UNC13C: variants seen among roughly 807,000 people sequenced by gnomAD.
UNC13C encodes protein unc-13 homolog C.
Under a neutral mutation model 245.4 loss-of-function variants are expected in UNC13C, and 174 were observed. The ratio of observed to expected loss-of-function variants is 0.71; its 90% CI spans 0.63 to 0.80. UNC13C has a LOEUF of 0.80. UNC13C is among the 30% of genes least tolerant of loss of function. UNC13C has a pLI of 0.00. For synonymous variants in UNC13C, 992 were observed against 895.1 expected, an observed-to-expected ratio of 1.11 and a Z score of -1.93; for missense variants, 2,829 against 2,602.9, an observed-to-expected ratio of 1.09 and a Z score of -1.89.
chr15:54,107,233 C>T (rs75759286), intron 2 of UNC13C, among the ~76,000 whole-genome samples: 1 of 151,946 alleles, frequency 6.6e-6, no homozygotes, highest in African/African-American at 2.4e-5. Context: ...ATTTTTAATA[C>T]ACCAATAATT....
At chr15:54,097,388 A>T (rs1030732355) in intron 2 of UNC13C, among the ~76,000 whole-genome samples, 1 of 152,104 alleles carries the variant, frequency 6.6e-6, no homozygotes, top group South Asian at 2.1e-4. Context: ...AATCTCCCCA[A>T]TGTGTAAGAA....
rs979392095 is a variant in UNC13C at position 54,203,769 on chromosome 15, T to G, written c.3072-31261T>G. ...ATGTATATATACACATATATATGTA[T>G]ATATACACACACATATAGATATACA... On this transcript the variant is annotated intron_variant, in intron 4 of 32. Transcript: ENST00000260323. Among the ~76,000 whole-genome samples, 9 of 112,596 alleles carry G rather than the reference T, an allele frequency of 8.0e-5. No homozygotes were observed. The East Asian group carries it at 8.7e-4, about 11-fold the overall frequency. 73.9% of individuals were successfully genotyped at this position (112,596 alleles called of 152,430 possible). A position where few individuals can be genotyped will look rare whatever the true frequency, so the allele number is the denominator to read the frequency against.
chr15:54,308,406 T>C (rs963314872), intron 13 of UNC13C, among the ~76,000 whole-genome samples: 2 of 151,938 alleles, frequency 1.3e-5, no homozygotes, highest in Non-Finnish European at 2.9e-5. Flanking sequence ...TTTTATGTAT[T>C]TATTATATAC....
chr15:54,306,097 A>AAC (rs1217695641), intron 13 of UNC13C, among the ~76,000 whole-genome samples: 1 of 152,024 alleles, frequency 6.6e-6, no homozygotes. Flanking sequence ...AGAGTCTGAA[A>AAC]CTATTTTGCT....
chr15:54,464,637 AT>A (rs1356078174), intron 19 of UNC13C, among the ~76,000 whole-genome samples: 1 of 152,104 alleles, frequency 6.6e-6, no homozygotes, highest in East Asian at 1.9e-4. Flanking sequence ...TTTAAATCAA[AT>A]TTTTATTTGA....
the UNC13C span, among the ~76,000 whole-genome samples, chr15:53,902,463 A>C: frequency 6.6e-6 from 1 of 152,238 alleles, no homozygotes; most frequent in Non-Finnish European, 1.5e-5. Context: ...GCAGAACATA[A>C]GGACTTAACA....
chr15:54,168,608 A>G (rs929501863), intron 4 of UNC13C, among the ~76,000 whole-genome samples: 1 of 152,102 alleles, frequency 6.6e-6, no homozygotes, highest in Admixed American at 6.5e-5. Context: ...TTATTCTTGG[A>G]CAGCTCAGAT....
chr15:54,553,104 ATT>A (rs1252465822), intron 28 of UNC13C, among the ~76,000 whole-genome samples: 1 of 78,120 alleles, frequency 1.3e-5, no homozygotes, highest in Admixed American at 2.0e-4. Flanking sequence ...TATAATATAT[ATT>A]GTATTCTATA....
intron 30 of UNC13C, among the ~76,000 whole-genome samples, chr15:54,594,846 G>A (rs1319281772): frequency 6.6e-6 from 1 of 152,248 alleles, no homozygotes; most frequent in Non-Finnish European, 1.5e-5. Context: ...CCCGAGTCCA[G>A]AAGAGACAAA....
intron 2 of UNC13C, among the ~76,000 whole-genome samples, chr15:54,077,986 A>G (rs1038314400): frequency 6.6e-6 from 1 of 152,272 alleles, no homozygotes; most frequent in South Asian, 2.1e-4. Context: ...AGCCTCCCCT[A>G]CATTGGAGTC....
At chr15:54,113,690 G>T (rs2029999026) in intron 2 of UNC13C, among the ~76,000 whole-genome samples, 1 of 152,088 alleles carries the variant, frequency 6.6e-6, no homozygotes, top group Admixed American at 6.6e-5. Context: ...GCTGGGCGTG[G>T]TGGCACAAGC....
intron 19 of UNC13C, among the ~76,000 whole-genome samples, chr15:54,464,413 A>G (rs969507431): frequency 7.2e-5 from 11 of 152,104 alleles, no homozygotes; most frequent in Non-Finnish European, 1.6e-4. Context: ...TTATGTTGAT[A>G]TTTTAGTGAA....
At chr15:54,609,399 G>A (rs886688990) in intron 30 of UNC13C, 4 of 152,136 alleles carry the variant, frequency 2.6e-5, no homozygotes, top group African/African-American at 4.8e-5. Flanking sequence ...GCTGCTTGGC[G>A]GGGTGGATAA....
intron 19 of UNC13C, among the ~76,000 whole-genome samples, chr15:54,442,295 G>A (rs1890572754): frequency 1.4e-5 from 2 of 141,552 alleles, no homozygotes; most frequent in South Asian, 4.5e-4. Context: ...CTGTTGCCCA[G>A]GCTGGAGTGC....
At chr15:53,851,722 T>C in the UNC13C span, among the ~76,000 whole-genome samples, 38 of 152,274 alleles carry the variant, frequency 2.5e-4, no homozygotes, top group African/African-American at 9.1e-4. Flanking sequence ...CATGCCCTTT[T>C]TGTCCAATCG....
chr15:54,223,786 G>GT (rs757206141), intron 4 of UNC13C, among the ~76,000 whole-genome samples: 2 of 151,672 alleles, frequency 1.3e-5, no homozygotes, highest in Non-Finnish European at 3.0e-5. Context: ...ATATTTTTCT[G>GT]TTTTTTGGTG....
At chr15:54,017,287 C>T (rs1895704023) in intron 2 of UNC13C, among the ~76,000 whole-genome samples, 1 of 151,956 alleles carries the variant, frequency 6.6e-6, no homozygotes, top group Non-Finnish European at 1.5e-5. Context: ...GAAAAGTAGT[C>T]AAATGTTATG....
chr15:54,476,741 A>G (rs200023103), intron 19 of UNC13C, among the ~76,000 whole-genome samples: 58,581 of 139,920 alleles, frequency 0.42, 12,735 homozygotes, highest in East Asian at 0.69. Context: ...GTCAGGTAGC[A>G]TGATGCCTCC....
intron 10 of UNC13C, among the ~76,000 whole-genome samples, chr15:54,280,657 T>C (rs960906843): frequency 6.9e-6 from 1 of 145,718 alleles, no homozygotes; most frequent in African/African-American, 2.5e-5. Flanking sequence ...CATATATGTA[T>C]GTATATACAT....
Sources: gnomAD v4.1 joint callset for allele counts (sites outside exome capture counted in the v4.1 genomes callset) on GRCh38, gnomAD v4.1.1 for gene constraint, MANE v1.5 for transcripts, NCBI Gene and HGNC (gene_info 2026-07-23, HGNC 2026-07-21) for gene names.